Variants in ZHX3 observed in about 807,000 individuals in gnomAD.
ZHX3 encodes the protein zinc fingers and homeoboxes protein 3.
In ZHX3, 20 loss-of-function variants were observed where a neutral mutation model predicts 64.5. The ratio of observed to expected loss-of-function variants is 0.31; its 90% CI spans 0.22 to 0.45. The LOEUF is 0.45. Ranked by LOEUF, ZHX3 falls within the 20% of genes least tolerant of loss-of-function variation. The pLI is 1.00. For synonymous variants in ZHX3, 423 were observed against 461.6 expected, an observed-to-expected ratio of 0.92 and a Z score of 1.07; for missense variants, 1,041 against 1,195.8, an observed-to-expected ratio of 0.87 and a Z score of 1.91.
At chr20:41,223,337 C>T (rs2146343521) in intron 2 of ZHX3, among the ~76,000 whole-genome samples, 1 of 152,290 alleles carries the variant, frequency 6.6e-6, no homozygotes, top group Non-Finnish European at 1.5e-5. Flanking sequence ...ATACTTTGCA[C>T]AATGGTAAGT....
At chr20:41,272,351 A>C (rs903417945) in intron 1 of ZHX3, 1 of 152,212 alleles carries the variant, frequency 6.6e-6, no homozygotes, top group Non-Finnish European at 1.5e-5. Flanking sequence ...TATATGATGT[A>C]ATTTTAAAAA....
chr20:41,248,583 A>C (rs1224169568), intron 2 of ZHX3, among the ~76,000 whole-genome samples: 1 of 152,176 alleles, frequency 6.6e-6, no homozygotes, highest in Non-Finnish European at 1.5e-5. Context: ...AGAGCTCAGG[A>C]AAAGAAAATT....
In ZHX3 at chr20:41,259,167, C is replaced by T. The variant is rs2042428580; in HGVS notation, c.-151+9823G>A. 2.6e-5 allele frequency among the ~76,000 whole-genome samples: 4 copies of T among 152,156 alleles called. No individual in the cohort carries two copies. In the South Asian group the frequency reaches 6.2e-4, roughly 24 times the overall value. On this transcript the variant is annotated intron_variant, in intron 2 of 3. Coordinates refer to ENST00000683867, the MANE Select transcript of ZHX3 (RefSeq NM_001384317.1). ...ACCATGAGCTTAAATCACAGTTCCACCATGGACTTTGGGCAAGTTGCCTAA... is the reference window on the plus strand; with the variant it reads ...ACCATGAGCTTAAATCACAGTTCCATCATGGACTTTGGGCAAGTTGCCTAA...
intron 2 of ZHX3, among the ~76,000 whole-genome samples, chr20:41,236,809 T>C (rs1473235815): frequency 1.3e-5 from 2 of 152,030 alleles, no homozygotes; most frequent in East Asian, 3.9e-4. Context: ...CAAAAGAAAC[T>C]ACCATCAGAG....
chr20:41,278,761 C>G (rs1416903785), intron 1 of ZHX3, among the ~76,000 whole-genome samples: 1 of 141,016 alleles, frequency 7.1e-6, no homozygotes, highest in Non-Finnish European at 1.6e-5. Flanking sequence ...TTTTACTTTT[C>G]TCTGCACAGT....
chr20:41,200,384 G>C lies in ZHX3; in HGVS notation c.2860+1673C>G, dbSNP rs1259849185. On this transcript the variant is annotated intron_variant, in intron 3 of 3. Coordinates refer to ENST00000683867, the MANE Select transcript of ZHX3 (RefSeq NM_001384317.1). This position sits in a 1 kb window ranked among gnomAD's most constrained non-coding sequence, Gnocchi z 4.2. ...ACTGGTATATTACAAGAAGCACAGA[G>C]CTGGGTATAATATAAGGACCAACTT... Among the ~76,000 whole-genome samples, 1 of 152,212 alleles carries C rather than the reference G, an allele frequency of 6.6e-6. No homozygotes were observed.
intron 2 of ZHX3, among the ~76,000 whole-genome samples, chr20:41,253,531 T>C (rs918075794): frequency 3.9e-5 from 6 of 152,132 alleles, no homozygotes; most frequent in Non-Finnish European, 7.4e-5. Context: ...GCCATATGAA[T>C]ATACAATATA....
At chr20:41,249,904 C>T (rs1454962024) in intron 2 of ZHX3, among the ~76,000 whole-genome samples, 1 of 152,066 alleles carries the variant, frequency 6.6e-6, no homozygotes. Flanking sequence ...AGAAGGTGGC[C>T]GAGGGTGTTT....
intron 2 of ZHX3, among the ~76,000 whole-genome samples, chr20:41,264,924 A>AT: frequency 6.6e-6 from 1 of 152,162 alleles, no homozygotes. Context: ...ATAAAGGTAT[A>AT]TTTTCTTACC....
intron 1 of ZHX3, among the ~76,000 whole-genome samples, chr20:41,309,580 A>G (rs1600679102): frequency 6.6e-6 from 1 of 152,180 alleles, no homozygotes; most frequent in Admixed American, 6.5e-5. Context: ...AACCTGGGCC[A>G]TGGCCGACTC....
chr20:41,285,986 G>T (rs1310015814), intron 1 of ZHX3, among the ~76,000 whole-genome samples: 1 of 152,152 alleles, frequency 6.6e-6, no homozygotes, highest in Non-Finnish European at 1.5e-5. Flanking sequence ...ATATTGACAA[G>T]GATGAGAAAC....
At chr20:41,279,108 T>C (rs1033942745) in intron 1 of ZHX3, among the ~76,000 whole-genome samples, 2 of 152,258 alleles carry the variant, frequency 1.3e-5, no homozygotes, top group South Asian at 2.1e-4. Context: ...GTAAATAAAC[T>C]ATTGTCTTCA....
rs2038168081 is a variant in ZHX3 at position 41,200,939 on chromosome 20, C to T, written c.2860+1118G>A. ...AAGAATTTTGTCCTTTTTAAGACAT[C>T]CTAAGTAGAAAGCAACTGGGGTGGA... On this transcript the variant is annotated intron_variant, in intron 3 of 3. Coordinates refer to ENST00000683867, the MANE Select transcript of ZHX3 (RefSeq NM_001384317.1). The surrounding 1 kb of genome is among the most constrained non-coding windows in gnomAD (Gnocchi z 4.2). Among the ~76,000 whole-genome samples, 5 of 152,150 alleles carry T rather than the reference C, an allele frequency of 3.3e-5. No homozygotes were observed. The highest frequency in any genetic ancestry group is 3.3e-4 in the Admixed American group (5 of 15,272).
chr20:41,210,988 T>C lies in ZHX3; in HGVS notation c.-150-5922A>G, dbSNP rs933160446. Among the ~76,000 whole-genome samples, 5 of 152,186 alleles carry C rather than the reference T, an allele frequency of 3.3e-5. No homozygotes were observed. The East Asian group carries it at 7.7e-4, about 23-fold the overall frequency. On this transcript the variant is annotated intron_variant, in intron 2 of 3. Coordinates refer to ENST00000683867, the MANE Select transcript of ZHX3 (RefSeq NM_001384317.1). ...TCCCTTACCTGTGAATTTAGATGTA[T>C]TGAACTTTTAATAAAATAGATTGAC...
At chr20:41,243,230 A>C (rs1474170869) in intron 2 of ZHX3, among the ~76,000 whole-genome samples, 1 of 152,186 alleles carries the variant, frequency 6.6e-6, no homozygotes, top group Non-Finnish European at 1.5e-5. Flanking sequence ...TAGTAATTCC[A>C]CAGTGAATAG....
chr20:41,291,700 A>G (rs1013053411), intron 1 of ZHX3, among the ~76,000 whole-genome samples: 2 of 152,106 alleles, frequency 1.3e-5, no homozygotes, highest in Admixed American at 1.3e-4. Flanking sequence ...ATAAGTTTAT[A>G]TATGTATATA....
At chr20:41,252,319 A>C (rs1305170391) in intron 2 of ZHX3, among the ~76,000 whole-genome samples, 1 of 152,196 alleles carries the variant, frequency 6.6e-6, no homozygotes. Flanking sequence ...CAGACAGTAG[A>C]GCAGGACTAC....
At chr20:41,298,671 G>T (rs1012942808) in intron 1 of ZHX3, among the ~76,000 whole-genome samples, 1 of 152,208 alleles carries the variant, frequency 6.6e-6, no homozygotes, top group South Asian at 2.1e-4. Context: ...TCAGCCAGGA[G>T]TAAGTTTAGT....
intron 1 of ZHX3, chr20:41,290,324 T>C (rs2044166297): frequency 6.6e-6 from 1 of 152,244 alleles, no homozygotes. Flanking sequence ...GTACAGTGGC[T>C]ATTCACAGGC....
Sources: gnomAD v4.1 joint callset for allele counts (sites outside exome capture counted in the v4.1 genomes callset) on GRCh38, gnomAD v4.1.1 for gene constraint, Gnocchi (gnomAD v3.1) non-coding constraint, MANE v1.5 for transcripts, NCBI Gene and HGNC (gene_info 2026-07-23, HGNC 2026-07-21) for gene names.